The following ATP10B variants were observed in gnomAD, a reference collection of about 807,000 sequenced individuals.
The protein encoded by ATP10B is ATPase phospholipid transporting 10B (putative), also known as phospholipid-transporting ATPase VB.
Under a neutral mutation model 141.2 loss-of-function variants are expected in ATP10B, and 122 were observed. The observed-to-expected ratio is 0.86, with a 90% CI of 0.75 to 1.00. The LOEUF is 1.00. Ranked by LOEUF, ATP10B falls within the 50% of genes least tolerant of loss-of-function variation. The pLI, the probability that ATP10B is intolerant of heterozygous loss-of-function variation, is 0.00. For missense variants in ATP10B, 1,876 were observed against 1,825.3 expected (o/e 1.03, Z -0.51); for synonymous variants, 685 against 692.0 (o/e 0.99, Z 0.16).
chr5:160,682,682 G>GA (rs1011736131), intron 6 of ATP10B, among the ~76,000 whole-genome samples: 7 of 151,486 alleles, frequency 4.6e-5, no homozygotes, highest in African/African-American at 9.7e-5. Flanking sequence ...ATATTCCATG[G>GA]AAAAAAAACA....
At chr5:160,856,863 TATTAC>T (rs780939474), upstream of ATP10B, among the ~76,000 whole-genome samples, 267 of 152,002 alleles carry the variant, frequency 1.8e-3, no homozygotes, top group Non-Finnish European at 2.9e-3. Flanking sequence ...TAATGTGGTC[TATTAC>T]ATTAATTGAT....
At chr5:160,644,666 A>G (rs1168550130) in intron 8 of ATP10B, among the ~76,000 whole-genome samples, 1 of 152,186 alleles carries the variant, frequency 6.6e-6, no homozygotes, top group Non-Finnish European at 1.5e-5. Flanking sequence ...CAGAGCCATG[A>G]CAGTTTACAG....
At chr5:160,848,125 T>C (rs1776237717) in intron 1 of ATP10B, among the ~76,000 whole-genome samples, 2 of 152,144 alleles carry the variant, frequency 1.3e-5, no homozygotes, top group Non-Finnish European at 2.9e-5. Flanking sequence ...TAAATACATA[T>C]TAGTTAAGAG....
intron 1 of ATP10B, among the ~76,000 whole-genome samples, chr5:160,797,441 G>C (rs1772029284): frequency 6.6e-6 from 1 of 152,206 alleles, no homozygotes; most frequent in South Asian, 2.1e-4. Context: ...CACTTTTTCA[G>C]TCTCTCTCTT....
At chr5:160,915,885 TTC>T in the ATP10B span, among the ~76,000 whole-genome samples, 40 of 152,080 alleles carry the variant, frequency 2.6e-4, no homozygotes, top group African/African-American at 9.7e-4. Context: ...TGCTCTCCTG[TTC>T]TTTCTCAGAG....
chr5:160,717,799 C>T (rs964217935), intron 2 of ATP10B, among the ~76,000 whole-genome samples: 1 of 152,142 alleles, frequency 6.6e-6, no homozygotes, highest in Admixed American at 6.5e-5. Context: ...CCAAATCTGC[C>T]ATGCTGTACT....
intron 1 of ATP10B, among the ~76,000 whole-genome samples, chr5:160,791,148 A>G (rs909944727): frequency 6.6e-6 from 1 of 152,074 alleles, no homozygotes; most frequent in Non-Finnish European, 1.5e-5. Flanking sequence ...AAAGAATATA[A>G]ATTTTCCCCT....
chr5:160,687,666 G>T, intron 5 of ATP10B, 134 bp downstream of exon 5: 1 of 1,044,302 alleles, frequency 9.6e-7, no homozygotes, highest in Non-Finnish European at 1.4e-6. Context: ...TTGGGAGGCT[G>T]AGGTGGGAGA....
intron 7 of ATP10B, among the ~76,000 whole-genome samples, chr5:160,668,192 C>T (rs1225520863): frequency 6.2e-5 from 9 of 145,290 alleles, no homozygotes; most frequent in Admixed American, 2.1e-4. Context: ...ATTGTGCCAC[C>T]GTACTCTAGC....
the ATP10B span, among the ~76,000 whole-genome samples, chr5:160,901,889 C>A: frequency 6.6e-6 from 1 of 152,128 alleles, no homozygotes; most frequent in Non-Finnish European, 1.5e-5. Flanking sequence ...ATAGATGACA[C>A]CTTACTTAAC....
chr5:160,758,936 G>A (rs1253365067), intron 2 of ATP10B, among the ~76,000 whole-genome samples: 1 of 152,162 alleles, frequency 6.6e-6, no homozygotes, highest in Non-Finnish European at 1.5e-5. Context: ...GTCTGCCATG[G>A]TACATGATTT....
At chr5:160,823,855 T>C (rs985062005) in intron 1 of ATP10B, among the ~76,000 whole-genome samples, 2 of 151,734 alleles carry the variant, frequency 1.3e-5, no homozygotes, top group African/African-American at 4.8e-5. Flanking sequence ...CAAAATAACA[T>C]ATTTCATATA....
chr5:160,718,455 A>G (rs748690440), intron 2 of ATP10B, among the ~76,000 whole-genome samples: 3 of 152,226 alleles, frequency 2.0e-5, no homozygotes, highest in Non-Finnish European at 2.9e-5. Context: ...TAACAATACC[A>G]TGGTCTCAGA....
At chr5:160,592,387 G>A (rs1177646533) in intron 22 of ATP10B, among the ~76,000 whole-genome samples, 8 of 152,146 alleles carry the variant, frequency 5.3e-5, no homozygotes, top group Non-Finnish European at 1.2e-4. Flanking sequence ...TTCGACTAGG[G>A]CAGTCCCATA....
intron 7 of ATP10B, among the ~76,000 whole-genome samples, chr5:160,653,669 A>G (rs1466745550): frequency 5.5e-5 from 4 of 72,796 alleles, no homozygotes; most frequent in African/African-American, 1.9e-4. Context: ...ATATACATAT[A>G]TATTATATAT....
chr5:160,652,955 ATATATACATG>A (rs1457799901), intron 7 of ATP10B, among the ~76,000 whole-genome samples: 2 of 89,786 alleles, frequency 2.2e-5, no homozygotes, highest in African/African-American at 9.4e-5. Flanking sequence ...ATAATATATT[ATATATACATG>A]TATATATAAT....
the ATP10B span, among the ~76,000 whole-genome samples, chr5:160,867,562 A>G: frequency 1.3e-5 from 2 of 152,144 alleles, no homozygotes; most frequent in Non-Finnish European, 2.9e-5. Flanking sequence ...TACAAATCTA[A>G]TGATCTGCAC....
intron 2 of ATP10B, among the ~76,000 whole-genome samples, chr5:160,775,749 C>G (rs1165069722): frequency 6.9e-6 from 1 of 145,166 alleles, no homozygotes; most frequent in Non-Finnish European, 1.5e-5. Context: ...GGCGCGATCT[C>G]GGCTCGCTGC....
chr5:160,790,912 G>A (rs895272357), intron 1 of ATP10B, among the ~76,000 whole-genome samples: 6 of 152,136 alleles, frequency 3.9e-5, no homozygotes, highest in Non-Finnish European at 8.8e-5. Context: ...AGGCAGAAGC[G>A]CTGATGAGTT....
Sources: allele counts gnomAD v4.1 joint callset (sites outside exome capture counted in the v4.1 genomes callset), GRCh38; gene constraint gnomAD v4.1.1; transcripts MANE v1.5; gene names NCBI Gene and HGNC (gene_info 2026-07-23, HGNC 2026-07-21).